TSPAN5: variants seen among roughly 807,000 people sequenced by gnomAD.
TSPAN5 encodes tetraspanin-5.
Under a neutral mutation model 37.1 loss-of-function variants are expected in TSPAN5, and 10 were observed. That is an observed-to-expected ratio of 0.27 (90% CI 0.17 to 0.46). The LOEUF is 0.46. Ranked by LOEUF, TSPAN5 falls within the 20% of genes least tolerant of loss-of-function variation. The pLI is 1.00. For synonymous variants in TSPAN5, 110 were observed against 118.9 expected (o/e 0.93, Z 0.48); for missense variants, 195 against 326.6 (o/e 0.60, Z 3.11).
chr4:98,529,982 G>A (rs1754045831), intron 1 of TSPAN5, among the ~76,000 whole-genome samples: 1 of 152,240 alleles, frequency 6.6e-6, no homozygotes, highest in Non-Finnish European at 1.5e-5. Context: ...CCCAGCTTTG[G>A]TCAGAAAGCT....
In TSPAN5 at chr4:98,478,685, T is replaced by G; in HGVS notation, c.576A>C (p.Ala192=). ...CAATAGTTCGCTGGCATTCACTTAC[T>G]GCGGGATCTTTAGTGCAGCAGGAGA... ...VPFSCCTKDP[A]EDVINTQCGY... The change falls in exon 5 of 8, where the codon GCA becomes GCC. Residue 192 remains alanine (A), a splice_region_variant and synonymous_variant. Coordinates refer to ENST00000305798, the MANE Select transcript of TSPAN5 (RefSeq NM_005723.4). 6.2e-7 allele frequency: 1 copy of G among 1,614,196 alleles called. No individual in the cohort carries two copies. Among genetic ancestry groups the G allele is most frequent in the South Asian group, 1.1e-5 (1 of 91,086 alleles).
intron 1 of TSPAN5, among the ~76,000 whole-genome samples, chr4:98,599,654 C>G (rs547254477): frequency 8.5e-5 from 13 of 152,258 alleles, no homozygotes; most frequent in Middle Eastern, 3.4e-3. Flanking sequence ...TTTGCCTGTT[C>G]CAGAACTTCA....
At chr4:98,516,736 G>C (rs550255841) in intron 1 of TSPAN5, among the ~76,000 whole-genome samples, 15 of 152,306 alleles carry the variant, frequency 9.8e-5, no homozygotes, top group African/African-American at 3.6e-4. Context: ...AGAGGTAACT[G>C]AACACTTGTA....
chr4:98,474,496 C>G (rs369876245), intron 7 of TSPAN5, among the ~76,000 whole-genome samples: 1 of 150,976 alleles, frequency 6.6e-6, no homozygotes, highest in South Asian at 2.1e-4. Flanking sequence ...CACAGGCATG[C>G]GCCATCATGC....
rs920425298 is a variant in TSPAN5, at chr4:98,474,361, T to C, written c.742-1774A>G. ...ACCATATACGTACGAGCTTATTTCA[T>C]CTTCTTTTTTGAGATAGGATCTTGC... On this transcript the variant is annotated intron_variant, in intron 7 of 7. Transcript: ENST00000305798. 2.6e-5 allele frequency among the ~76,000 whole-genome samples: 4 copies of C among 152,202 alleles called. No individual in the cohort carries two copies. In the South Asian group the frequency reaches 8.3e-4, roughly 32 times the overall value.
chr4:98,474,770 C>A (rs1225043036), intron 7 of TSPAN5, among the ~76,000 whole-genome samples: 7 of 152,212 alleles, frequency 4.6e-5, no homozygotes, highest in Non-Finnish European at 7.3e-5. Flanking sequence ...ACCTTCTGGG[C>A]TCAAGCAATC....
At chr4:98,567,845 A>G (rs1449502420) in intron 1 of TSPAN5, among the ~76,000 whole-genome samples, 3 of 152,154 alleles carry the variant, frequency 2.0e-5, no homozygotes, top group East Asian at 1.9e-4. Context: ...GTTCAGTCCA[A>G]TATAGCCGTG....
intron 1 of TSPAN5, among the ~76,000 whole-genome samples, chr4:98,543,419 AT>A (rs55834948): frequency 3.9e-4 from 58 of 147,754 alleles, no homozygotes; most frequent in Middle Eastern, 3.5e-3. Flanking sequence ...CTACTTTAGA[AT>A]TTTTTTTTTT....
chr4:98,513,879 T>C (rs1753670777), intron 1 of TSPAN5, among the ~76,000 whole-genome samples: 1 of 151,986 alleles, frequency 6.6e-6, no homozygotes, highest in East Asian at 1.9e-4. Context: ...GATAGATAGA[T>C]AGATAGATAG....
At chr4:98,629,232 A>G (rs1756687828) in intron 1 of TSPAN5, among the ~76,000 whole-genome samples, 1 of 152,232 alleles carries the variant, frequency 6.6e-6, no homozygotes, top group South Asian at 2.1e-4. Flanking sequence ...ATTACACATA[A>G]CCAGAATATC....
At chr4:98,607,167 C>T (rs1756057401) in intron 1 of TSPAN5, among the ~76,000 whole-genome samples, 1 of 152,208 alleles carries the variant, frequency 6.6e-6, no homozygotes. Flanking sequence ...TCATTTTCCC[C>T]GCTCTGGGCA....
At chr4:98,581,384 A>G (rs149774090) in intron 1 of TSPAN5, among the ~76,000 whole-genome samples, 140 of 152,196 alleles carry the variant, frequency 9.2e-4, no homozygotes, top group Middle Eastern at 3.4e-3. Flanking sequence ...TATCACTACT[A>G]GATGCAAAAA....
At chr4:98,592,446 T>A (rs1481622285) in intron 1 of TSPAN5, among the ~76,000 whole-genome samples, 10 of 146,648 alleles carry the variant, frequency 6.8e-5, no homozygotes, top group South Asian at 2.2e-4. Flanking sequence ...TTTTTTTTTT[T>A]TTATTATACT....
At chr4:98,502,494 C>T (rs756422983) in intron 2 of TSPAN5, among the ~76,000 whole-genome samples, 60 of 152,086 alleles carry the variant, frequency 3.9e-4, no homozygotes, top group Non-Finnish European at 7.1e-4. Flanking sequence ...AAACGTTTCT[C>T]GAATTGAGGA....
At chr4:98,557,083 T>C (rs760365583) in intron 1 of TSPAN5, among the ~76,000 whole-genome samples, 19 of 152,216 alleles carry the variant, frequency 1.2e-4, no homozygotes, top group Non-Finnish European at 2.1e-4. Flanking sequence ...TATACTCTTA[T>C]TGAGAGCAAC....
At chr4:98,486,665 G>A in intron 3 of TSPAN5, 73 bp downstream of exon 3, 6 of 1,568,220 alleles carry the variant, frequency 3.8e-6, no homozygotes, top group Non-Finnish European at 5.3e-6. Context: ...TGTCTTGCCT[G>A]TAGATAGGGT....
intron 7 of TSPAN5, 42 bp downstream of exon 7, chr4:98,476,147 G>T (rs202156778): frequency 6.1e-6 from 9 of 1,473,874 alleles, no homozygotes; most frequent in Non-Finnish European, 8.5e-6. Context: ...CTCTCCCAGG[G>T]CATTATTTCC....
At chr4:98,491,524 C>T (rs528842042) in intron 2 of TSPAN5, among the ~76,000 whole-genome samples, 1 of 152,192 alleles carries the variant, frequency 6.6e-6, no homozygotes, top group Admixed American at 6.5e-5. Context: ...CCAGTCTCAA[C>T]TAAAAATACA....
At chr4:98,480,568 C>T (rs900710560) in intron 4 of TSPAN5, among the ~76,000 whole-genome samples, 19 of 152,120 alleles carry the variant, frequency 1.2e-4, no homozygotes, top group African/African-American at 3.9e-4. Context: ...CCTTCCGGAC[C>T]AACAGCTACT....
Sources: gnomAD v4.1 joint callset for allele counts (sites outside exome capture counted in the v4.1 genomes callset) on GRCh38, gnomAD v4.1.1 for gene constraint, MANE v1.5 for transcripts, NCBI Gene and HGNC (gene_info 2026-07-23, HGNC 2026-07-21) for gene names.